Variants in ULK4 observed in about 807,000 individuals in gnomAD.
ULK4 encodes the protein unc-51 like kinase 4.
In ULK4, 133 loss-of-function variants were observed where a neutral mutation model predicts 160.6. The ratio of observed to expected loss-of-function variants is 0.83; its 90% CI spans 0.72 to 0.96. The LOEUF (loss-of-function observed/expected upper bound fraction) is 0.96. ULK4 is among the 40% of genes least tolerant of loss of function. ULK4 has a pLI of 0.00. For missense variants in ULK4, 1,580 were observed against 1,499.5 expected (o/e 1.05, Z -0.89); for synonymous variants, 534 against 539.8 (o/e 0.99, Z 0.15).
At chr3:41,816,680 T>C (rs2040973845) in intron 19 of ULK4, among the ~76,000 whole-genome samples, 1 of 151,944 alleles carries the variant, frequency 6.6e-6, no homozygotes, top group African/African-American at 2.4e-5. Context: ...GGCATAGTAG[T>C]ATGCATGTGT....
intron 2 of ULK4, among the ~76,000 whole-genome samples, chr3:41,946,421 G>A (rs1237533732): frequency 6.6e-6 from 1 of 152,158 alleles, no homozygotes; most frequent in South Asian, 2.1e-4. Flanking sequence ...GGCACTTTCT[G>A]GAGGAATAGA....
chr3:41,502,004 A>G (rs2085226332), intron 32 of ULK4, among the ~76,000 whole-genome samples: 1 of 152,192 alleles, frequency 6.6e-6, no homozygotes, highest in Non-Finnish European at 1.5e-5. Flanking sequence ...AGCTTCATCC[A>G]TATTGCTACA....
chr3:41,676,910 T>TTC lies in ULK4; in HGVS notation c.2978+4597_2978+4598insGA, dbSNP rs2035740211. Among the ~76,000 whole-genome samples, 4 of 36,884 alleles carry TTC rather than the reference T, an allele frequency of 1.1e-4. No individual in the cohort carries two copies. The Middle Eastern group carries it at 0.047, about 432-fold the overall frequency. The allele number at this position is 36,884 out of a possible 152,430, so 24.2% of individuals were successfully genotyped here. On this transcript the variant is annotated intron_variant, in intron 29 of 36. Coordinates refer to ENST00000301831, the MANE Select transcript of ULK4 (RefSeq NM_017886.4). ...GGGTGCCTGCCCCCACCCCCAACCT[T>TTC]TTTTTTTTTTTTTTTTTTTGAGACA...
chr3:41,748,389 T>A (rs988374920), intron 22 of ULK4, among the ~76,000 whole-genome samples: 3 of 151,792 alleles, frequency 2.0e-5, no homozygotes, highest in Non-Finnish European at 4.4e-5. Flanking sequence ...CCAAATGCAG[T>A]TTAAGGTTTC....
intron 35 of ULK4, among the ~76,000 whole-genome samples, chr3:41,330,059 G>C (rs773698801): frequency 1.4e-4 from 22 of 152,160 alleles, no homozygotes; most frequent in African/African-American, 4.8e-4. Context: ...GAAGTAAAGA[G>C]CTGTTTCCTG....
intron 16 of ULK4, among the ~76,000 whole-genome samples, chr3:41,884,943 G>C (rs1174463320): frequency 6.6e-6 from 1 of 152,090 alleles, no homozygotes; most frequent in Admixed American, 6.6e-5. Context: ...AATATCTGTA[G>C]GACAATTGGA....
At chr3:41,597,599 T>C (rs1469752859) in intron 31 of ULK4, among the ~76,000 whole-genome samples, 1 of 152,154 alleles carries the variant, frequency 6.6e-6, no homozygotes, top group Non-Finnish European at 1.5e-5. Flanking sequence ...ATTCACTGCG[T>C]AGGCCACAGA....
rs530421054 is a variant in ULK4, at chr3:41,711,128, A to G, written c.2634+4109T>C. 3.8e-4 allele frequency among the ~76,000 whole-genome samples: 58 copies of G among 152,286 alleles called. 1 individual carries two copies. Among genetic ancestry groups the G allele is most frequent in the African/African-American group, 1.3e-3 (54 of 41,566 alleles). ...GGCACTGGAAGGATCCTTCAGAGGG[A>G]TATCAAATTCCCCACCAATGATGCA... On this transcript the variant is annotated intron_variant, in intron 25 of 36. Transcript: ENST00000301831.
chr3:41,331,666 T>A (rs2080444988), intron 35 of ULK4, among the ~76,000 whole-genome samples: 1 of 152,224 alleles, frequency 6.6e-6, no homozygotes, highest in Non-Finnish European at 1.5e-5. Flanking sequence ...TTTTGTGTGA[T>A]CCTCTTCCCT....
intron 31 of ULK4, among the ~76,000 whole-genome samples, chr3:41,604,031 T>G (rs1187922631): frequency 6.6e-6 from 1 of 152,030 alleles, no homozygotes; most frequent in African/African-American, 2.4e-5. Flanking sequence ...CCCATGGGAC[T>G]ACTTTAGATG....
At chr3:41,828,506 C>A (rs1418582707) in intron 18 of ULK4, among the ~76,000 whole-genome samples, 1 of 135,818 alleles carries the variant, frequency 7.4e-6, no homozygotes, top group African/African-American at 3.2e-5. Context: ...ACACCAATAA[C>A]AGACAGAGAG....
chr3:41,359,132 G>C (rs2081081851), intron 35 of ULK4, among the ~76,000 whole-genome samples: 1 of 152,172 alleles, frequency 6.6e-6, no homozygotes, highest in African/African-American at 2.4e-5. Flanking sequence ...GTCTGACTTG[G>C]GAAACTTGAA....
chr3:41,827,107 C>G (rs2041387788), intron 18 of ULK4, among the ~76,000 whole-genome samples: 1 of 147,702 alleles, frequency 6.8e-6, no homozygotes, highest in Non-Finnish European at 1.5e-5. Context: ...TTCTTTGAAA[C>G]CAACGAGAAC....
At chr3:41,599,424 A>T (rs2031909581) in intron 31 of ULK4, among the ~76,000 whole-genome samples, 1 of 152,148 alleles carries the variant, frequency 6.6e-6, no homozygotes, top group Non-Finnish European at 1.5e-5. Flanking sequence ...AGATACTCAC[A>T]GGTTTCAGGG....
chr3:41,272,508 T>C (rs1337061665), intron 35 of ULK4, among the ~76,000 whole-genome samples: 2 of 152,120 alleles, frequency 1.3e-5, no homozygotes, highest in African/African-American at 4.8e-5. Context: ...TAATGCTTCC[T>C]TTTCCACTGG....
At chr3:41,789,513 A>T (rs1471888246) in intron 21 of ULK4, 148 bp downstream of exon 21, 2 of 621,130 alleles carry the variant, frequency 3.2e-6, no homozygotes, top group Admixed American at 7.6e-5. Context: ...TCAGATGAAC[A>T]TTCTGTGGTA....
intron 2 of ULK4, among the ~76,000 whole-genome samples, chr3:41,949,732 C>A (rs1458130134): frequency 6.7e-6 from 1 of 149,238 alleles, no homozygotes; most frequent in Non-Finnish European, 1.5e-5. Flanking sequence ...ACCACACCTG[C>A]CTTTTTTTTT....
rs148882703 is a variant in ULK4 at position 41,322,127 on chromosome 3, G to A, written c.3679-72553C>T. ...GCTCACTACAACCTCCACCTCCTGG[G>A]TTCAAGCAGTTGTTGTGCCTCAGCC... On this transcript the variant is annotated intron_variant, in intron 35 of 36. Transcript: ENST00000301831. Among the ~76,000 whole-genome samples, 5 of 144,542 alleles carry A rather than the reference G, an allele frequency of 3.5e-5. 2 individuals carry two copies. Among genetic ancestry groups the A allele is most frequent in the African/African-American group, 1.3e-4 (5 of 37,112 alleles). The allele number at this position is 144,542 out of a possible 152,430, so 94.8% of individuals were successfully genotyped here.
chr3:41,601,419 C>T (rs1006323893), intron 31 of ULK4, among the ~76,000 whole-genome samples: 14 of 152,008 alleles, frequency 9.2e-5, no homozygotes, highest in African/African-American at 2.7e-4. Context: ...TACTTTGCCC[C>T]CAAGGAGATA....
Sources: gnomAD v4.1 joint callset for allele counts (sites outside exome capture counted in the v4.1 genomes callset) on GRCh38, gnomAD v4.1.1 for gene constraint, MANE v1.5 for transcripts, NCBI Gene and HGNC (gene_info 2026-07-23, HGNC 2026-07-21) for gene names.